MARCHF1: variants seen among roughly 807,000 people sequenced by gnomAD.
MARCHF1 encodes E3 ubiquitin-protein ligase MARCHF1.
In MARCHF1, 40 loss-of-function variants were observed where a neutral mutation model predicts 54.2. The observed-to-expected ratio is 0.74, with a 90% CI of 0.57 to 0.96. The LOEUF (loss-of-function observed/expected upper bound fraction) is 0.96, where lower values mean the gene tolerates loss of function less well. MARCHF1 is among the 40% of genes least tolerant of loss of function. The pLI, the probability that MARCHF1 is intolerant of heterozygous loss-of-function variation, is 0.00. For missense variants in MARCHF1, 586 were observed against 656.5 expected (o/e 0.89, Z 1.17); for synonymous variants, 236 against 236.3 (o/e 1.00, Z 0.01).
chr4:164,016,916 C>A (rs1318389245), intron 2 of MARCHF1, among the ~76,000 whole-genome samples: 1 of 151,572 alleles, frequency 6.6e-6, no homozygotes, highest in African/African-American at 2.4e-5. Context: ...TCACATGTAC[C>A]CTATAAATAT....
At chr4:163,570,226 G>T (rs17043924) in intron 8 of MARCHF1, among the ~76,000 whole-genome samples, 18 of 151,980 alleles carry the variant, frequency 1.2e-4, no homozygotes, top group Admixed American at 2.6e-4. Flanking sequence ...AAATGTGCAC[G>T]CTACCCTCTT....
intron 2 of MARCHF1, among the ~76,000 whole-genome samples, chr4:164,041,701 G>A (rs1754132459): frequency 6.6e-6 from 1 of 152,128 alleles, no homozygotes; most frequent in African/African-American, 2.4e-5. Context: ...AATGCTAACT[G>A]TTGTGCCCCA....
chr4:163,973,851 T>C (rs550306252), intron 3 of MARCHF1, among the ~76,000 whole-genome samples: 49 of 152,334 alleles, frequency 3.2e-4, no homozygotes, highest in African/African-American at 1.2e-3. Context: ...GCAGAAATGT[T>C]TGTTGATTAA....
intron 2 of MARCHF1, among the ~76,000 whole-genome samples, chr4:164,096,243 G>C (rs1755409787): frequency 6.6e-6 from 1 of 152,198 alleles, no homozygotes. Context: ...GCCATAAAAA[G>C]AACAAAATCA....
chr4:164,257,387 A>G (rs1035043348), intron 1 of MARCHF1, among the ~76,000 whole-genome samples: 1 of 151,994 alleles, frequency 6.6e-6, no homozygotes, highest in Non-Finnish European at 1.5e-5. Context: ...GTGTGGCTCT[A>G]AAACCTTAGA....
chr4:164,129,112 C>G (rs1756247316), intron 1 of MARCHF1, among the ~76,000 whole-genome samples: 1 of 152,156 alleles, frequency 6.6e-6, no homozygotes, highest in African/African-American at 2.4e-5. Flanking sequence ...AATACCTCTC[C>G]TTGGAGAAAT....
chr4:164,138,438 G>A (rs747814429), intron 1 of MARCHF1, among the ~76,000 whole-genome samples: 2 of 152,118 alleles, frequency 1.3e-5, no homozygotes, highest in Non-Finnish European at 2.9e-5. Flanking sequence ...GAGCAAGGGA[G>A]CTAGGCCTGA....
At position 164,234,841 on chromosome 4, in the gene MARCHF1, A is replaced by G. The variant is rs370589283; in HGVS notation, c.-322-123179T>C. 8.5e-5 allele frequency: 13 copies of G among 152,126 alleles called. No individual in the cohort carries two copies. In the East Asian group the frequency reaches 9.6e-4, roughly 11 times the overall value. 9.4% of individuals were successfully genotyped at this position (152,126 alleles called of 1,614,324 possible). ...AGTTAAACTACCCTTACCAGAATCCATATTTACTTCAGCAACTGAATTTCT... is the reference window on the plus strand; with the variant it reads ...AGTTAAACTACCCTTACCAGAATCCGTATTTACTTCAGCAACTGAATTTCT... On this transcript the variant is annotated intron_variant, in intron 1 of 9. Transcript: ENST00000514618.
chr4:163,812,835 T>C (rs1748430443), intron 4 of MARCHF1, among the ~76,000 whole-genome samples: 1 of 150,892 alleles, frequency 6.6e-6, no homozygotes, highest in South Asian at 2.1e-4. Flanking sequence ...AGTCAAAATT[T>C]TTGTTTGTTA....
chr4:163,591,443 C>T (rs973183882), intron 7 of MARCHF1, among the ~76,000 whole-genome samples: 1 of 152,170 alleles, frequency 6.6e-6, no homozygotes, highest in Non-Finnish European at 1.5e-5. Context: ...CAGATACAGT[C>T]TCTGCTGTTT....
intron 5 of MARCHF1, among the ~76,000 whole-genome samples, chr4:163,616,386 G>A (rs1741510555): frequency 6.6e-6 from 1 of 151,952 alleles, no homozygotes; most frequent in Non-Finnish European, 1.5e-5. Flanking sequence ...GAATATACAA[G>A]GAACCCAAAC....
intron 3 of MARCHF1, among the ~76,000 whole-genome samples, chr4:163,909,330 AT>A (rs1751140887): frequency 1.3e-5 from 2 of 152,136 alleles, no homozygotes; most frequent in Middle Eastern, 3.2e-3. Flanking sequence ...GAAGCTTACC[AT>A]TGTCTTTCAC....
chr4:164,188,486 A>G, intron 1 of MARCHF1: 1 of 672,022 alleles, frequency 1.5e-6, no homozygotes, highest in Non-Finnish European at 2.8e-6. Flanking sequence ...CGACCTGGGG[A>G]CCACCTACTG....
At chr4:164,168,673 C>CACACAT (rs1235862102) in intron 1 of MARCHF1, among the ~76,000 whole-genome samples, 5 of 151,684 alleles carry the variant, frequency 3.3e-5, no homozygotes, top group African/African-American at 1.2e-4. Flanking sequence ...TACACACACA[C>CACACAT]ACACACACAC....
intron 3 of MARCHF1, among the ~76,000 whole-genome samples, chr4:163,976,012 CA>C (rs1165782534): frequency 4.6e-5 from 7 of 152,028 alleles, no homozygotes; most frequent in Non-Finnish European, 7.4e-5. Context: ...AAATGCAAGC[CA>C]TATCTTATTT....
At chr4:164,007,640 CTCTCTCTGTG>C (rs997438544) in intron 2 of MARCHF1, among the ~76,000 whole-genome samples, 1 of 96,022 alleles carries the variant, frequency 1.0e-5, no homozygotes, top group Non-Finnish European at 2.1e-5. Flanking sequence ...TTCTCTCTCT[CTCTCTCTGTG>C]TGTGTGTGTG....
chr4:163,965,420 A>G (rs1321502395), intron 3 of MARCHF1, among the ~76,000 whole-genome samples: 2 of 152,172 alleles, frequency 1.3e-5, no homozygotes, highest in African/African-American at 4.8e-5. Flanking sequence ...TTTATAGATG[A>G]GGAAACTAAT....
intron 3 of MARCHF1, among the ~76,000 whole-genome samples, chr4:163,929,849 A>G (rs1338766488): frequency 6.8e-6 from 1 of 147,054 alleles, no homozygotes; most frequent in Admixed American, 7.0e-5. Flanking sequence ...GTAATATAAT[A>G]TATTGTTTAA....
intron 1 of MARCHF1, among the ~76,000 whole-genome samples, chr4:164,215,944 C>T (rs1339598966): frequency 2.6e-5 from 4 of 152,000 alleles, no homozygotes; most frequent in Non-Finnish European, 2.9e-5. Context: ...TAATCAGAAG[C>T]GATCAAAGAA....
Sources: allele counts gnomAD v4.1 joint callset (sites outside exome capture counted in the v4.1 genomes callset), GRCh38; gene constraint gnomAD v4.1.1; transcripts MANE v1.5; gene names NCBI Gene and HGNC (gene_info 2026-07-23, HGNC 2026-07-21).